Variants in HNRNPC observed in about 807,000 individuals in gnomAD.
HNRNPC encodes the protein heterogeneous nuclear ribonucleoprotein C.
Under a neutral mutation model 33.2 loss-of-function variants are expected in HNRNPC, and 3 were observed. That is an observed-to-expected ratio of 0.09 (90% confidence interval 0.04 to 0.23). HNRNPC has a LOEUF of 0.23. HNRNPC is among the 10% of genes least tolerant of loss of function. HNRNPC has a pLI of 1.00. For missense variants in HNRNPC, 143 were observed against 366.7 expected, an observed-to-expected ratio of 0.39 and a Z score of 4.98; for synonymous variants, 121 against 126.7, an observed-to-expected ratio of 0.96 and a Z score of 0.30.
chr14:21,211,951 A>C (rs1430672651), intron 6 of HNRNPC, 28 bp from the exon 7 acceptor site: 4 of 1,535,456 alleles, frequency 2.6e-6, no homozygotes, highest in Non-Finnish European at 3.6e-6. Flanking sequence ...TACTAGATTA[A>C]AATCAAATGT....
intron 5 of HNRNPC, among the ~76,000 whole-genome samples, chr14:21,226,469 C>T (rs1326694532): frequency 6.6e-6 from 1 of 152,026 alleles, no homozygotes. Flanking sequence ...TCAACAACTA[C>T]AGCTTTGAAT....
At chr14:21,251,642 G>A (rs143974908) in intron 2 of HNRNPC, among the ~76,000 whole-genome samples, 40 of 151,142 alleles carry the variant, frequency 2.6e-4, no homozygotes, top group African/African-American at 8.0e-4. Context: ...AGACTGCGCC[G>A]CTGCACTCCA....
intron 2 of HNRNPC, among the ~76,000 whole-genome samples, chr14:21,235,305 A>T (rs8009479): frequency 0.15 from 23,244 of 152,100 alleles, 2,263 homozygotes; most frequent in South Asian, 0.23. Context: ...AAAAGATTCC[A>T]GTATTTGTTA....
chr14:21,252,581 G>A (rs1896793144), intron 2 of HNRNPC, among the ~76,000 whole-genome samples: 1 of 152,188 alleles, frequency 6.6e-6, no homozygotes, highest in South Asian at 2.1e-4. Flanking sequence ...CCAAAGAGCT[G>A]GCATTACAGG....
intron 2 of HNRNPC, among the ~76,000 whole-genome samples, chr14:21,249,913 A>G (rs1056971719): frequency 2.0e-5 from 3 of 152,212 alleles, no homozygotes; most frequent in African/African-American, 7.2e-5. Flanking sequence ...TTAAGATTTA[A>G]TATTTCAAAA....
intron 5 of HNRNPC, among the ~76,000 whole-genome samples, chr14:21,224,513 AT>A (rs1436701762): frequency 6.6e-6 from 1 of 152,098 alleles, no homozygotes; most frequent in Admixed American, 6.5e-5. Flanking sequence ...TTTGACTATT[AT>A]TTTCCTACAA....
At chr14:21,251,103 C>CAT (rs1896606092) in intron 2 of HNRNPC, among the ~76,000 whole-genome samples, 1 of 151,174 alleles carries the variant, frequency 6.6e-6, no homozygotes, top group Non-Finnish European at 1.5e-5. Flanking sequence ...CTACTGAAAA[C>CAT]ACAAAAAATT....
intron 6 of HNRNPC, 31 bp downstream of exon 6, chr14:21,212,929 T>G: frequency 6.2e-7 from 1 of 1,612,282 alleles, no homozygotes; most frequent in Non-Finnish European, 8.5e-7. Flanking sequence ...ACACAAGAGA[T>G]ACCAAAATCA....
At chr14:21,232,867 C>T (rs980264621) in intron 3 of HNRNPC, among the ~76,000 whole-genome samples, 6 of 152,068 alleles carry the variant, frequency 3.9e-5, no homozygotes, top group Non-Finnish European at 7.4e-5. Context: ...GAAACCTCAC[C>T]TCTACTAAAA....
At chr14:21,243,653 T>C (rs1186924673) in intron 2 of HNRNPC, among the ~76,000 whole-genome samples, 2 of 152,210 alleles carry the variant, frequency 1.3e-5, no homozygotes, top group African/African-American at 4.8e-5. Flanking sequence ...TGTAGGCTCA[T>C]ATGAAAATTC....
At chr14:21,217,166 G>A (rs1221807274) in intron 5 of HNRNPC, among the ~76,000 whole-genome samples, 1 of 152,204 alleles carries the variant, frequency 6.6e-6, no homozygotes, top group East Asian at 1.9e-4. Context: ...ATTCACATCT[G>A]AGGAAGTAGT....
intron 2 of HNRNPC, among the ~76,000 whole-genome samples, chr14:21,237,273 G>C (rs1474068118): frequency 3.3e-5 from 5 of 152,134 alleles, no homozygotes; most frequent in Admixed American, 2.0e-4. Flanking sequence ...TAATTCTAAT[G>C]CCTAAATGTA....
intron 2 of HNRNPC, among the ~76,000 whole-genome samples, chr14:21,249,985 A>C (rs926098417): frequency 2.6e-5 from 4 of 152,206 alleles, no homozygotes; most frequent in Admixed American, 2.0e-4. Context: ...TGCAATATGC[A>C]AAAATAATAA....
Position 21,211,496 on chromosome 14 carries a change from C to T in HNRNPC, c.708G>A (p.Val236=). The change falls in exon 8 of 9, where the codon GTG becomes GTA. Residue 236 remains valine (V), a synonymous_variant. Coordinates refer to ENST00000553300, the MANE Select transcript of HNRNPC (RefSeq NM_004500.4). ...SSSVKKDETN[V]KMESEGGADD... ...CTGCACCCCCCTCAGACTCCATCTTCACATTAGTCTCATCTTTCTTCACGG... is the reference window on the plus strand; with the variant it reads ...CTGCACCCCCCTCAGACTCCATCTTTACATTAGTCTCATCTTTCTTCACGG... 1 of 1,613,204 alleles carries T rather than the reference C, an allele frequency of 6.2e-7. No individual in the cohort carries two copies. The highest frequency in any genetic ancestry group is 8.5e-7 in the Non-Finnish European group (1 of 1,179,554).
intron 2 of HNRNPC, among the ~76,000 whole-genome samples, chr14:21,252,565 G>C (rs945068869): frequency 6.6e-6 from 1 of 152,158 alleles, no homozygotes; most frequent in Non-Finnish European, 1.5e-5. Flanking sequence ...TGCCCACCTT[G>C]GCCTCCCAAA....
intron 5 of HNRNPC, among the ~76,000 whole-genome samples, chr14:21,229,085 T>TAAAAA (rs56112804): frequency 9.3e-6 from 1 of 107,848 alleles, no homozygotes; most frequent in Non-Finnish European, 1.9e-5. Context: ...ATTCCGTATT[T>TAAAAA]AAAAAAAAAA....
chr14:21,258,868 T>C (rs1417314506), intron 2 of HNRNPC, among the ~76,000 whole-genome samples: 1 of 152,198 alleles, frequency 6.6e-6, no homozygotes, highest in African/African-American at 2.4e-5. Context: ...GGGATGATTA[T>C]TTTCTTCAAG....
intron 5 of HNRNPC, among the ~76,000 whole-genome samples, chr14:21,214,458 G>C (rs552784322): frequency 6.6e-6 from 1 of 152,210 alleles, no homozygotes; most frequent in Admixed American, 6.5e-5. Flanking sequence ...CTATGGACAG[G>C]AACATTTTCC....
At chr14:21,250,914 A>G (rs1228324672) in intron 2 of HNRNPC, among the ~76,000 whole-genome samples, 1 of 152,190 alleles carries the variant, frequency 6.6e-6, no homozygotes, top group African/African-American at 2.4e-5. Context: ...TGATGATGCT[A>G]TGCTGGAGCA....
Sources: gnomAD v4.1 joint callset for allele counts (sites outside exome capture counted in the v4.1 genomes callset) on GRCh38, gnomAD v4.1.1 for gene constraint, MANE v1.5 for transcripts, NCBI Gene and HGNC (gene_info 2026-07-23, HGNC 2026-07-21) for gene names.